RPS6KC1: variants seen among roughly 807,000 people sequenced by gnomAD.
The protein encoded by RPS6KC1 is inactive ribosomal protein S6 kinase delta-1.
Under a neutral mutation model 103.8 loss-of-function variants are expected in RPS6KC1, and 54 were observed. The observed-to-expected ratio is 0.52, with a 90% confidence interval of 0.42 to 0.65. RPS6KC1 has a LOEUF of 0.65. RPS6KC1 is among the 30% of genes least tolerant of loss of function. The pLI is 0.00. For missense variants in RPS6KC1, 1,151 were observed against 1,253.8 expected (o/e 0.92, Z 1.24); for synonymous variants, 439 against 438.7 (o/e 1.00, Z -0.01).
At chr1:213,578,663 T>G in the RPS6KC1 span, among the ~76,000 whole-genome samples, 1 of 150,688 alleles carries the variant, frequency 6.6e-6, no homozygotes, top group Non-Finnish European at 1.5e-5. Flanking sequence ...TGGACTTGCA[T>G]GGGGCCTGTA....
intron 3 of RPS6KC1, among the ~76,000 whole-genome samples, chr1:213,088,439 C>T (rs1479089851): frequency 3.3e-5 from 5 of 151,930 alleles, no homozygotes; most frequent in Non-Finnish European, 7.4e-5. Context: ...TCATGGCTCA[C>T]TGCAGCCTCT....
At chr1:213,322,072 G>A in the RPS6KC1 span, among the ~76,000 whole-genome samples, 9,053 of 152,172 alleles carry the variant, frequency 0.059, 400 homozygotes, top group African/African-American at 0.12. Flanking sequence ...TTGGGAGGCC[G>A]AGGTGGGAGG....
At chr1:213,104,661 G>T in intron 4 of RPS6KC1, 92 bp downstream of exon 4, 1 of 587,028 alleles carries the variant, frequency 1.7e-6, no homozygotes, top group Non-Finnish European at 2.9e-6. Context: ...TTTGAATTTC[G>T]TTATTCACTA....
At chr1:213,494,442 G>T in the RPS6KC1 span, among the ~76,000 whole-genome samples, 3,978 of 152,038 alleles carry the variant, frequency 0.026, 109 homozygotes, top group Non-Finnish European at 0.039. Flanking sequence ...TAGAGAAATG[G>T]AAGGATAGAA....
chr1:213,217,822 A>G (rs975384696), intron 8 of RPS6KC1, among the ~76,000 whole-genome samples: 16 of 152,182 alleles, frequency 1.1e-4, no homozygotes, highest in African/African-American at 1.7e-4. Flanking sequence ...AAATTCAACA[A>G]CCCTTCATGC....
At chr1:213,505,316 C>T in the RPS6KC1 span, among the ~76,000 whole-genome samples, 9 of 152,172 alleles carry the variant, frequency 5.9e-5, no homozygotes, top group Non-Finnish European at 8.8e-5. Context: ...AACTGAATCT[C>T]TGGCCAAAGG....
At chr1:213,165,424 G>A (rs1264186726) in intron 6 of RPS6KC1, among the ~76,000 whole-genome samples, 2 of 150,990 alleles carry the variant, frequency 1.3e-5, no homozygotes, top group Non-Finnish European at 3.0e-5. Flanking sequence ...TGTTGTTGTT[G>A]TTGTTTTTGT....
chr1:213,830,141 C>G, the RPS6KC1 span, among the ~76,000 whole-genome samples: 2 of 152,186 alleles, frequency 1.3e-5, no homozygotes, highest in East Asian at 3.9e-4. Flanking sequence ...CAAATTAAGC[C>G]CCAATTACTT....
the RPS6KC1 span, among the ~76,000 whole-genome samples, chr1:213,675,493 A>G: frequency 6.6e-6 from 1 of 152,344 alleles, no homozygotes; most frequent in East Asian, 1.9e-4. Flanking sequence ...GCATATGGCT[A>G]GCCAGCTATC....
chr1:213,709,689 G>A, the RPS6KC1 span, among the ~76,000 whole-genome samples: 1 of 152,138 alleles, frequency 6.6e-6, no homozygotes, highest in Non-Finnish European at 1.5e-5. Context: ...CACCACTTTA[G>A]CTGTGTCCCA....
the RPS6KC1 span, among the ~76,000 whole-genome samples, chr1:213,375,254 CACAT>C: frequency 2.0e-5 from 3 of 151,952 alleles, no homozygotes; most frequent in Admixed American, 6.6e-5. Flanking sequence ...CATATATACA[CACAT>C]ACACACATAT....
At chr1:213,255,935 A>C (rs575386705) in intron 12 of RPS6KC1, among the ~76,000 whole-genome samples, 8 of 152,362 alleles carry the variant, frequency 5.3e-5, no homozygotes, top group African/African-American at 1.2e-4. Flanking sequence ...TACCAATTTC[A>C]CATTAATTAA....
At chr1:213,513,092 T>C in the RPS6KC1 span, among the ~76,000 whole-genome samples, 1 of 152,242 alleles carries the variant, frequency 6.6e-6, no homozygotes, top group African/African-American at 2.4e-5. Context: ...CCATCACAGG[T>C]TCTTAAATAT....
At chr1:213,614,550 T>C in the RPS6KC1 span, among the ~76,000 whole-genome samples, 1 of 152,336 alleles carries the variant, frequency 6.6e-6, no homozygotes, top group African/African-American at 2.4e-5. Context: ...GTTTTGTAAA[T>C]CTTGTTCCAG....
chr1:213,587,514 A>G, the RPS6KC1 span, among the ~76,000 whole-genome samples: 1 of 152,210 alleles, frequency 6.6e-6, no homozygotes, highest in Non-Finnish European at 1.5e-5. Flanking sequence ...ATCTGCAGAT[A>G]ACTCTCCAAG....
At chr1:213,713,101 A>G in the RPS6KC1 span, among the ~76,000 whole-genome samples, 1 of 152,204 alleles carries the variant, frequency 6.6e-6, no homozygotes, top group Non-Finnish European at 1.5e-5. Context: ...CCCCTCCTCT[A>G]GAAAATTTCT....
the RPS6KC1 span, among the ~76,000 whole-genome samples, chr1:213,367,359 G>A: frequency 6.6e-6 from 1 of 152,192 alleles, no homozygotes; most frequent in African/African-American, 2.4e-5. Flanking sequence ...TGCAGAGTAA[G>A]GATAACTTGG....
At chr1:213,124,169 G>A (rs577784029) in intron 5 of RPS6KC1, among the ~76,000 whole-genome samples, 4 of 152,232 alleles carry the variant, frequency 2.6e-5, no homozygotes, top group African/African-American at 9.6e-5. Context: ...TCTGTGATAC[G>A]AACCTGGAGG....
At chr1:213,584,320 C>G in the RPS6KC1 span, among the ~76,000 whole-genome samples, 1 of 152,190 alleles carries the variant, frequency 6.6e-6, no homozygotes, top group South Asian at 2.1e-4. Context: ...ACATCATTAA[C>G]AAGCACCACA....
Sources: gnomAD v4.1 joint callset for allele counts (sites outside exome capture counted in the v4.1 genomes callset) on GRCh38, gnomAD v4.1.1 for gene constraint, MANE v1.5 for transcripts, NCBI Gene and HGNC (gene_info 2026-07-23, HGNC 2026-07-21) for gene names.